The following MYO7A variants were observed in gnomAD, a reference collection of about 807,000 sequenced individuals.
MYO7A encodes the protein unconventional myosin-VIIa.
Under a neutral mutation model 263.8 loss-of-function variants are expected in MYO7A, and 210 were observed. The observed-to-expected ratio is 0.80, with a 90% CI of 0.71 to 0.89. The LOEUF is 0.89. MYO7A is among the 40% of genes least tolerant of loss of function. The pLI is 0.00. For missense variants in MYO7A, 2,820 were observed against 2,968.3 expected, an observed-to-expected ratio of 0.95 and a Z score of 1.16; for synonymous variants, 1,239 against 1,197.3, an observed-to-expected ratio of 1.03 and a Z score of -0.72.
intron 33 of MYO7A, among the ~76,000 whole-genome samples, chr11:77,198,052 G>A (rs1185910381): frequency 6.6e-6 from 1 of 152,256 alleles, no homozygotes; most frequent in Non-Finnish European, 1.5e-5. Context: ...GGCCGACTCT[G>A]TGAAGTCGAG....
At chr11:77,158,183 G>A in intron 8 of MYO7A, 94 bp from the exon 9 acceptor site, 2 of 1,394,586 alleles carry the variant, frequency 1.4e-6, no homozygotes, top group Non-Finnish European at 1.9e-6. Context: ...GGCCTGTCAG[G>A]CAGAAAGGGC....
In MYO7A at chr11:77,204,177, A is replaced by C. The variant is rs778009227; in HGVS notation, c.5428A>C (p.Lys1810Gln). Residue 1810 changes from lysine to glutamine, a missense_variant, in exon 39 of 49, where the codon AAG becomes CAG. Lys to Gln is a moderately conservative substitution (Grantham distance 53). Transcript: ENST00000409709. ...GGGTCCCCTGAAAGCCGAGCCCCTG[A>C]AGGACGAGGCATATGTGCAGATCCT... ...FEGPLKAEPL[K>Q]DEAYVQILKQ... 1.3e-6 allele frequency: 2 copies of C among 1,588,040 alleles called. No homozygotes were observed. The highest frequency in any genetic ancestry group is 2.3e-5 in the South Asian group (2 of 86,514).
intron 4 of MYO7A, among the ~76,000 whole-genome samples, chr11:77,155,537 G>A (rs1225958516): frequency 2.0e-5 from 3 of 152,238 alleles, no homozygotes; most frequent in East Asian, 1.9e-4. Flanking sequence ...GCCTGGAGGC[G>A]ATGGTGGGAG....
At chr11:77,184,123 ACTGGTGTGAGG>A (rs1207163778) in intron 26 of MYO7A, among the ~76,000 whole-genome samples, 1 of 152,074 alleles carries the variant, frequency 6.6e-6, no homozygotes, top group East Asian at 1.9e-4. Context: ...TCTCATAAGA[ACTGGTGTGAGG>A]CTGGTCACAT....
In MYO7A at chr11:77,201,599, C is replaced by CT; in HGVS notation, c.5004_5005insT (p.Val1669CysfsTer52). ...GGGACTTCCCCACCGACAGTGTGTA[C>CT]GTCATGCCCACTGTCACCATGCCAC... On this transcript the variant is annotated frameshift_variant, in exon 36 of 49. Transcript: ENST00000409709. LOFTEE classifies it high-confidence loss of function. 1 of 1,613,834 alleles carries CT rather than the reference C, an allele frequency of 6.2e-7. No homozygotes were observed. Among genetic ancestry groups the CT allele is most frequent in the Non-Finnish European group, 8.5e-7 (1 of 1,179,826 alleles).
intron 8 of MYO7A, 33 bp downstream of exon 8, chr11:77,157,425 C>T (rs562440690): frequency 2.7e-6 from 4 of 1,473,804 alleles, no homozygotes; most frequent in African/African-American, 1.4e-5. Context: ...GGTAGGGGGG[C>T]ACCCACCCTA....
intron 2 of MYO7A, 114 bp from the exon 3 acceptor site, chr11:77,142,595 C>A (rs1361524735): frequency 2.3e-6 from 2 of 875,950 alleles, no homozygotes; most frequent in South Asian, 1.4e-5. Context: ...TTCTCTTCCC[C>A]CTTGTGTGGT....
At chr11:77,212,013 CTG>C (rs1410026167) in intron 46 of MYO7A, 76 bp downstream of exon 46, 4 of 1,256,040 alleles carry the variant, frequency 3.2e-6, no homozygotes, top group Non-Finnish European at 4.6e-6. Flanking sequence ...CTCCCTAGGA[CTG>C]TGGGAAAGAG....
chr11:77,191,882 C>A (rs7952285), intron 30 of MYO7A, among the ~76,000 whole-genome samples, 169 bp from the exon 31 acceptor site: 2 of 152,064 alleles, frequency 1.3e-5, no homozygotes, highest in East Asian at 3.9e-4. Context: ...GGTGGGGGTG[C>A]GGCTTAGAGC....
At chr11:77,195,062 G>A (rs576398497) in intron 32 of MYO7A, among the ~76,000 whole-genome samples, 4 of 152,162 alleles carry the variant, frequency 2.6e-5, no homozygotes, top group South Asian at 4.1e-4. Context: ...ACCCAAGGCC[G>A]CCTCATCTCC....
At chr11:77,146,774 A>G (rs1555053902) in intron 3 of MYO7A, among the ~76,000 whole-genome samples, 1 of 151,792 alleles carries the variant, frequency 6.6e-6, no homozygotes, top group Non-Finnish European at 1.5e-5. Context: ...GGGTCATGGC[A>G]TTTGGGGATG....
At position 77,206,089 on chromosome 11, in the gene MYO7A, CT is replaced by C; in HGVS notation, c.5637-4del. ...ACATGCCCCCTGCTGCCCCTGCTGC[CT>C]TTTCAGAAACGGGTCCCGGAAGTAC... On this transcript the variant is annotated splice_region_variant and splice_polypyrimidine_tract_variant and intron_variant, in intron 40 of 48. Coordinates refer to ENST00000409709, the MANE Select transcript of MYO7A (RefSeq NM_000260.4). 6.2e-7 allele frequency: 1 copy of C among 1,606,798 alleles called. No homozygotes were observed. Among genetic ancestry groups the C allele is most frequent in the South Asian group, 1.1e-5 (1 of 89,672 alleles).
chr11:77,182,230 C>G, intron 24 of MYO7A, 76 bp downstream of exon 24: 1 of 1,564,590 alleles, frequency 6.4e-7, no homozygotes, highest in Non-Finnish European at 8.7e-7. Context: ...CTGGTGGTGG[C>G]CGTAGGTGAT....
chr11:77,167,897 C>T (rs1953704786), intron 15 of MYO7A, among the ~76,000 whole-genome samples: 2 of 152,196 alleles, frequency 1.3e-5, no homozygotes, highest in South Asian at 2.1e-4. Context: ...CAGACCAACA[C>T]TGTAGGCTGG....
At chr11:77,157,227 G>T (rs1952559742) in intron 7 of MYO7A, 52 bp from the exon 8 acceptor site, 2 of 1,456,416 alleles carry the variant, frequency 1.4e-6, no homozygotes, top group Middle Eastern at 1.7e-4. Flanking sequence ...GTTCCTGATG[G>T]CCTCCTCTGG....
At chr11:77,141,455 T>G (rs1349538711) in intron 2 of MYO7A, among the ~76,000 whole-genome samples, 1 of 151,982 alleles carries the variant, frequency 6.6e-6, no homozygotes, top group Non-Finnish European at 1.5e-5. Flanking sequence ...GTTGTTACAT[T>G]TTTTTTTACT....
In MYO7A at chr11:77,214,828, G is replaced by C. The variant is rs1482447607; in HGVS notation, c.*132G>C. On this transcript the variant is annotated 3_prime_UTR_variant, in exon 49 of 49. Transcript: ENST00000409709. ...GAGGCTGGGCTGGCCAGCCACCACT[G>C]ACTATACCAACTGGGCCTCTGATGT... is the stretch of plus-strand genomic sequence containing the variant. The C allele has an allele frequency of 5.8e-6, 4 of 692,938 alleles. No individual in the cohort carries two copies. The highest frequency in any genetic ancestry group is 9.7e-6 in the Non-Finnish European group (4 of 412,496). 42.9% of individuals were successfully genotyped at this position (692,938 alleles called of 1,614,324 possible). A position where few individuals can be genotyped will look rare whatever the true frequency, so the allele number is the denominator to read the frequency against.
intron 27 of MYO7A, among the ~76,000 whole-genome samples, chr11:77,188,578 C>T (rs531233240): frequency 4.0e-5 from 6 of 150,426 alleles, no homozygotes; most frequent in African/African-American, 1.5e-4. Flanking sequence ...CTTGAACAGG[C>T]AGGCTGCAGT....
At chr11:77,158,594 T>C (rs1952710002) in intron 9 of MYO7A, among the ~76,000 whole-genome samples, 164 bp downstream of exon 9, 1 of 152,236 alleles carries the variant, frequency 6.6e-6, no homozygotes, top group Non-Finnish European at 1.5e-5. Flanking sequence ...ACAGGTCTGC[T>C]AGATTGAAAT....
Sources: allele counts gnomAD v4.1 joint callset (sites outside exome capture counted in the v4.1 genomes callset), GRCh38; gene constraint gnomAD v4.1.1; transcripts MANE v1.5; gene names NCBI Gene and HGNC (gene_info 2026-07-23, HGNC 2026-07-21).